Variants in RAPGEF6 observed in about 807,000 individuals in gnomAD.
The protein encoded by RAPGEF6 is Rap guanine nucleotide exchange factor 6.
In RAPGEF6, 56 loss-of-function variants were observed where a neutral mutation model predicts 171.4. The ratio of observed to expected loss-of-function variants is 0.33; its 90% confidence interval spans 0.26 to 0.41. RAPGEF6 has a LOEUF of 0.41. Among genes scored for constraint, RAPGEF6 ranks in the 10% least tolerant of loss-of-function variants. The probability of loss-of-function intolerance (pLI) is 1.00; values close to 1 mark genes in which losing one functional copy is unlikely to be tolerated. For missense variants in RAPGEF6, 1,674 were observed against 1,921.4 expected (o/e 0.87, Z 2.41); for synonymous variants, 692 against 650.1 (o/e 1.06, Z -0.98).
chr5:131,527,519 T>C (rs886444455), intron 6 of RAPGEF6, among the ~76,000 whole-genome samples: 6 of 152,160 alleles, frequency 3.9e-5, no homozygotes, highest in Non-Finnish European at 8.8e-5. Flanking sequence ...GTAGCCACTT[T>C]GGGGAGCAAA....
intron 4 of RAPGEF6, among the ~76,000 whole-genome samples, chr5:131,571,860 C>T (rs1258484762): frequency 6.6e-6 from 1 of 152,150 alleles, no homozygotes; most frequent in Non-Finnish European, 1.5e-5. Flanking sequence ...GCCACCACCG[C>T]CCCCAGCCTG....
intron 20 of RAPGEF6, 152 bp downstream of exon 20, chr5:131,455,649 T>A (rs1295578944): frequency 1.6e-6 from 1 of 636,078 alleles, no homozygotes; most frequent in Admixed American, 2.9e-5. Flanking sequence ...CAAATATGTA[T>A]GGTATGACAT....
In RAPGEF6 at chr5:131,425,922, T is replaced by G. The variant is rs1751376279; in HGVS notation, c.*1344A>C. On this transcript the variant is annotated 3_prime_UTR_variant, in exon 28 of 28. Transcript: ENST00000509018. ...TTTTTTTTTTTGGTAATTACAGAAG[T>G]TTATTAAAATTTCACTTGCTTTTAC... The G allele has an allele frequency of 1.5e-5, 2 of 130,848 alleles. No individual in the cohort carries two copies. Among genetic ancestry groups the G allele is most frequent in the Non-Finnish European group, 1.5e-5 (1 of 65,000 alleles). 8.1% of individuals were successfully genotyped at this position (130,848 alleles called of 1,614,324 possible).
At chr5:131,538,636 C>T (rs1200955384) in intron 6 of RAPGEF6, among the ~76,000 whole-genome samples, 1 of 152,074 alleles carries the variant, frequency 6.6e-6, no homozygotes, top group Non-Finnish European at 1.5e-5. Flanking sequence ...GGTCCTGAAA[C>T]CAAGCCCCCA....
rs982320007 is a variant in RAPGEF6 at position 131,448,186 on chromosome 5, G to A, written c.3201-1483C>T. Among the ~76,000 whole-genome samples, 3 of 152,124 alleles carry A rather than the reference G, an allele frequency of 2.0e-5. No homozygotes were observed. In the East Asian group the frequency reaches 5.8e-4, roughly 29 times the overall value. Reference sequence around the variant, plus strand: ...TGGCACAGAGGGCAATACTGTATGGGGAAGGAGGGTTCTGGAAAACAAAAT... The same window carrying A: ...TGGCACAGAGGGCAATACTGTATGGAGAAGGAGGGTTCTGGAAAACAAAAT... On this transcript the variant is annotated intron_variant, in intron 21 of 27. Transcript: ENST00000509018.
intron 3 of RAPGEF6, among the ~76,000 whole-genome samples, chr5:131,602,034 C>CA (rs11400631): frequency 0.68 from 84,356 of 123,998 alleles, 27,963 homozygotes; most frequent in Non-Finnish European, 0.78. Context: ...GACTCCGTCT[C>CA]AAAAAAAAAA....
At chr5:131,516,247 CT>C (rs1014678578) in intron 7 of RAPGEF6, among the ~76,000 whole-genome samples, 1 of 151,438 alleles carries the variant, frequency 6.6e-6, no homozygotes, top group Non-Finnish European at 1.5e-5. Context: ...CACGTGGCTA[CT>C]TTTTTTTGTA....
chr5:131,495,617 T>A lies in RAPGEF6; in HGVS notation c.1463A>T (p.Asp488Val). The A allele has an allele frequency of 6.2e-7, 1 of 1,613,842 alleles. No homozygotes were observed. The highest frequency in any genetic ancestry group is 8.5e-7 in the Non-Finnish European group (1 of 1,179,850). Residue 488 changes from aspartate to valine, a missense_variant, in exon 13 of 28, where the codon GAT becomes GTT. Transcript: ENST00000509018. The stretch of plus-strand genomic sequence containing the variant: ...AGTCATAGCAGGGTCACCTTCAAAA[T>A]CATTAAAATGATTATTTACCCATAA... ...VLLWVNNHFN[D>V]FEGDPAMTRF...
At chr5:131,452,305 T>C (rs983302273) in intron 21 of RAPGEF6, among the ~76,000 whole-genome samples, 2 of 152,194 alleles carry the variant, frequency 1.3e-5, no homozygotes, top group African/African-American at 4.8e-5. Flanking sequence ...GTTATTACAT[T>C]AAAAATGAAC....
At chr5:131,491,791 C>T (rs549914928) in intron 14 of RAPGEF6, among the ~76,000 whole-genome samples, 24 of 152,248 alleles carry the variant, frequency 1.6e-4, no homozygotes, top group African/African-American at 5.3e-4. Context: ...ATCTCCATCA[C>T]CCCAGCCCCA....
rs575463301 is a variant in RAPGEF6, at chr5:131,472,801, C to T, written c.2082-57G>A. 157 of 1,467,852 alleles carry T rather than the reference C, an allele frequency of 1.1e-4. No individual in the cohort carries two copies. The African/African-American group carries it at 1.4e-3, about 13-fold the overall frequency. 90.9% of individuals were successfully genotyped at this position (1,467,852 alleles called of 1,614,324 possible). ...TATTTGAGAGTACTTAAGTAGTAAA[C>T]GTTTCTGTTCCCTGTGCACTAAGGC... is the stretch of plus-strand genomic sequence containing the variant. On this transcript the variant is annotated intron_variant, in intron 16 of 27. Coordinates refer to ENST00000509018, the MANE Select transcript of RAPGEF6 (RefSeq NM_016340.6).
chr5:131,518,311 CT>C (rs1758235726), intron 7 of RAPGEF6, among the ~76,000 whole-genome samples: 1 of 150,578 alleles, frequency 6.6e-6, no homozygotes, highest in African/African-American at 2.4e-5. Context: ...TTGTGTTTAT[CT>C]TTATTGGCTT....
intron 6 of RAPGEF6, among the ~76,000 whole-genome samples, chr5:131,523,370 C>A (rs1758640363): frequency 7.0e-6 from 1 of 143,702 alleles, no homozygotes; most frequent in South Asian, 2.2e-4. Flanking sequence ...ATATAGCTCA[C>A]TGGTCAGAAT....
chr5:131,468,235 G>C (rs1004146707), intron 17 of RAPGEF6, among the ~76,000 whole-genome samples: 1 of 151,094 alleles, frequency 6.6e-6, no homozygotes, highest in African/African-American at 2.4e-5. Context: ...GGGAGGCTGA[G>C]GCAGGAGAAT....
rs745926370 is a variant in RAPGEF6 at position 131,446,543 on chromosome 5, C to T, written c.3361G>A (p.Glu1121Lys). Residue 1121 changes from glutamate (E) to lysine (K), a missense_variant, in exon 22 of 28, where the codon GAG (glutamate) becomes AAG (lysine). Physicochemically the swap from Glu to Lys is moderately conservative, Grantham distance 56. Coordinates refer to ENST00000509018, the MANE Select transcript of RAPGEF6 (RefSeq NM_016340.6). ...VKQYLSSLDVETDEEKFQMMS... is the reference protein window; with the variant it reads ...VKQYLSSLDVKTDEEKFQMMS... ...ATCTGGAACTTCTCCTCATCTGTCT[C>T]TACATCGAGACTGGAAAGATACTGC... 1 of 1,614,262 alleles carries T rather than the reference C, an allele frequency of 6.2e-7. No individual in the cohort carries two copies. Among genetic ancestry groups the T allele is most frequent in the Non-Finnish European group, 8.5e-7 (1 of 1,180,038 alleles).
At chr5:131,537,321 G>A (rs1185814885) in intron 6 of RAPGEF6, among the ~76,000 whole-genome samples, 1 of 152,122 alleles carries the variant, frequency 6.6e-6, no homozygotes, top group Non-Finnish European at 1.5e-5. Flanking sequence ...ACAACCAGAG[G>A]GGCATGCCCT....
chr5:131,555,475 T>C (rs925348581), intron 5 of RAPGEF6, among the ~76,000 whole-genome samples: 2 of 152,122 alleles, frequency 1.3e-5, no homozygotes, highest in Non-Finnish European at 2.9e-5. Context: ...GGAGTTTTTC[T>C]TAACATCTTT....
At position 131,464,296 on chromosome 5, in the gene RAPGEF6, A is replaced by G. The variant is rs183728574; in HGVS notation, c.2240-15T>C. The G allele has an allele frequency of 1.2e-4, 186 of 1,598,330 alleles. No homozygotes were observed. In the East Asian group the frequency reaches 3.3e-3, roughly 28 times the overall value. ...ATCAGGGATATCTACATAAATAGAA[A>G]GATATGCTTTGTTATTTTTTAAAAA... On this transcript the variant is annotated splice_polypyrimidine_tract_variant and intron_variant, in intron 17 of 27. Transcript: ENST00000509018.
intron 17 of RAPGEF6, among the ~76,000 whole-genome samples, chr5:131,468,290 C>T (rs1445488112): frequency 6.8e-6 from 1 of 147,396 alleles, no homozygotes; most frequent in East Asian, 2.0e-4. Flanking sequence ...CAAGATCGCG[C>T]CACTGCACTC....
Sources: gnomAD v4.1 joint callset for allele counts (sites outside exome capture counted in the v4.1 genomes callset) on GRCh38, gnomAD v4.1.1 for gene constraint, MANE v1.5 for transcripts, NCBI Gene and HGNC (gene_info 2026-07-23, HGNC 2026-07-21) for gene names.